KCNMB2: variants seen among roughly 807,000 people sequenced by gnomAD.
KCNMB2 encodes potassium calcium-activated channel subfamily M regulatory beta subunit 2.
KCNMB2 carries 9 observed loss-of-function variants against 24.5 expected under a neutral mutation model. That is an observed-to-expected ratio of 0.37 (90% CI 0.22 to 0.64). The LOEUF is 0.64. KCNMB2 is among the 30% of genes least tolerant of loss of function. The pLI is 0.63. For missense variants in KCNMB2, 226 were observed against 284.3 expected (o/e 0.79, Z 1.47); for synonymous variants, 109 against 104.4 (o/e 1.04, Z -0.27).
At chr3:178,681,115 T>C (rs537813850) in intron 1 of KCNMB2, among the ~76,000 whole-genome samples, 2 of 152,218 alleles carry the variant, frequency 1.3e-5, no homozygotes, top group East Asian at 3.9e-4. Context: ...TTAACAGATA[T>C]ACAGATACTC....
In KCNMB2 at chr3:178,758,082, A is replaced by AT. The variant is rs1491362905; in HGVS notation, c.-67-49261_-67-49260insT. ...TATCTCCAAGAGGATATATATATAT[A>AT]CACAAGAGGATATATATATATACAC... On this transcript the variant is annotated intron_variant, in intron 1 of 4. Coordinates refer to ENST00000452583, the MANE Select transcript of KCNMB2 (RefSeq NM_181361.3). Among the ~76,000 whole-genome samples, 4 of 89,126 alleles carry AT rather than the reference A, an allele frequency of 4.5e-5. 1 individual carries two copies. The highest frequency in any genetic ancestry group is 9.0e-5 in the African/African-American group (2 of 22,298). The allele number at this position is 89,126 out of a possible 152,430, so 58.5% of individuals were successfully genotyped here.
At chr3:178,630,194 C>T (rs1719266095) in intron 1 of KCNMB2, among the ~76,000 whole-genome samples, 1 of 152,178 alleles carries the variant, frequency 6.6e-6, no homozygotes, top group African/African-American at 2.4e-5. Flanking sequence ...ACACCAAGAC[C>T]ATGACAAGAA....
At chr3:178,593,773 CT>C (rs1717766549) in intron 1 of KCNMB2, among the ~76,000 whole-genome samples, 1 of 151,192 alleles carries the variant, frequency 6.6e-6, no homozygotes, top group South Asian at 2.1e-4. Context: ...CATCCTTCTC[CT>C]TTCAATACAT....
chr3:178,810,673 G>T (rs1263865617), intron 2 of KCNMB2, among the ~76,000 whole-genome samples: 3 of 152,136 alleles, frequency 2.0e-5, no homozygotes, highest in African/African-American at 7.2e-5. Context: ...GCAATGTGGA[G>T]AAATATTTTT....
intron 1 of KCNMB2, among the ~76,000 whole-genome samples, chr3:178,803,631 T>G (rs1713856243): frequency 6.6e-6 from 1 of 152,142 alleles, no homozygotes; most frequent in South Asian, 2.1e-4. Context: ...TAACCTAGCA[T>G]GGGAGGCAGA....
chr3:178,750,217 C>CAA (rs34836983), intron 1 of KCNMB2, among the ~76,000 whole-genome samples: 17,304 of 140,966 alleles, frequency 0.12, 1,067 homozygotes, highest in Non-Finnish European at 0.15. Context: ...ATAACTTTGG[C>CAA]AAAAAAAAAA....
intron 1 of KCNMB2, among the ~76,000 whole-genome samples, chr3:178,698,830 G>A (rs1475782199): frequency 2.6e-5 from 4 of 152,272 alleles, no homozygotes; most frequent in Non-Finnish European, 4.4e-5. Context: ...TTTAATTGTG[G>A]TATAAGGTGG....
chr3:178,804,224 G>A (rs1008596757), intron 1 of KCNMB2, among the ~76,000 whole-genome samples: 1 of 152,126 alleles, frequency 6.6e-6, no homozygotes, highest in Non-Finnish European at 1.5e-5. Flanking sequence ...CCTATAAAAT[G>A]AGCAAAATTG....
intron 1 of KCNMB2, among the ~76,000 whole-genome samples, chr3:178,689,876 G>A (rs529089935): frequency 1.6e-4 from 25 of 152,242 alleles, no homozygotes; most frequent in African/African-American, 5.3e-4. Context: ...TATTACTGTG[G>A]AAACTTACCA....
intron 2 of KCNMB2, among the ~76,000 whole-genome samples, chr3:178,817,571 G>A (rs1048419701): frequency 6.6e-6 from 1 of 152,094 alleles, no homozygotes; most frequent in African/African-American, 2.4e-5. Context: ...AGCTCTGAAG[G>A]CACTCAGCAA....
At chr3:178,628,512 T>C (rs1719198283) in intron 1 of KCNMB2, among the ~76,000 whole-genome samples, 1 of 152,190 alleles carries the variant, frequency 6.6e-6, no homozygotes, top group African/African-American at 2.4e-5. Context: ...TGAGGTTTGA[T>C]TATTGTGATC....
Position 178,785,046 on chromosome 3 carries a change from C to T in KCNMB2, c.-67-22297C>T, listed in dbSNP as rs538547921. 5.0e-3 allele frequency among the ~76,000 whole-genome samples: 755 copies of T among 151,872 alleles called. 8 individuals are homozygous for T. Among genetic ancestry groups the T allele is most frequent in the African/African-American group, 0.017 (723 of 41,462 alleles). On this transcript the variant is annotated intron_variant, in intron 1 of 4. Coordinates refer to ENST00000452583, the MANE Select transcript of KCNMB2 (RefSeq NM_181361.3). ...GCTCTTAATTTAGCATGTTAGGAAT[C>T]AGGCAGAAATATGGCCAAAAGCCTT...
chr3:178,709,987 G>A (rs1429451311), intron 1 of KCNMB2, among the ~76,000 whole-genome samples: 6 of 152,002 alleles, frequency 3.9e-5, no homozygotes, highest in African/African-American at 7.2e-5. Context: ...AATTTATACC[G>A]AGCACTTAAA....
chr3:178,757,745 T>TAC (rs1724182379), intron 1 of KCNMB2, among the ~76,000 whole-genome samples: 12 of 88,840 alleles, frequency 1.4e-4, no homozygotes, highest in African/African-American at 2.9e-4. Context: ...AGGATATATA[T>TAC]ATATAAGAGG....
At chr3:178,639,271 C>T (rs1719637893) in intron 1 of KCNMB2, among the ~76,000 whole-genome samples, 1 of 152,064 alleles carries the variant, frequency 6.6e-6, no homozygotes, top group South Asian at 2.1e-4. Context: ...TCACTATTTT[C>T]CAGATGTGAG....
chr3:178,745,830 T>C (rs534589051), intron 1 of KCNMB2, among the ~76,000 whole-genome samples: 1 of 152,338 alleles, frequency 6.6e-6, no homozygotes, highest in African/African-American at 2.4e-5. Flanking sequence ...AATAATCTCC[T>C]TTGACTCCAT....
At chr3:178,640,302 C>T (rs1358285283) in intron 1 of KCNMB2, among the ~76,000 whole-genome samples, 1 of 152,050 alleles carries the variant, frequency 6.6e-6, no homozygotes, top group Non-Finnish European at 1.5e-5. Flanking sequence ...GGCTGGGAGG[C>T]CTCAGGAAAC....
At chr3:178,623,846 G>A (rs1338250909) in intron 1 of KCNMB2, among the ~76,000 whole-genome samples, 1 of 152,114 alleles carries the variant, frequency 6.6e-6, no homozygotes, top group East Asian at 1.9e-4. Flanking sequence ...ATGATGTCAG[G>A]GGTAAGCCTC....
intron 1 of KCNMB2, among the ~76,000 whole-genome samples, chr3:178,706,026 A>T (rs1382177340): frequency 6.6e-6 from 1 of 152,114 alleles, no homozygotes; most frequent in African/African-American, 2.4e-5. Flanking sequence ...ACCTTTAAAT[A>T]TGTAGGGAGG....
Sources: gnomAD v4.1 joint callset for allele counts (sites outside exome capture counted in the v4.1 genomes callset) on GRCh38, gnomAD v4.1.1 for gene constraint, MANE v1.5 for transcripts, NCBI Gene and HGNC (gene_info 2026-07-23, HGNC 2026-07-21) for gene names.